The following GRM7 variants were observed in gnomAD, a reference collection of about 807,000 sequenced individuals.
GRM7 encodes the protein metabotropic glutamate receptor 7.
GRM7 carries 35 observed loss-of-function variants against 84.5 expected under a neutral mutation model. The observed-to-expected ratio is 0.41, with a 90% confidence interval of 0.32 to 0.55. The LOEUF is 0.55. Among genes scored for constraint, GRM7 ranks in the 20% least tolerant of loss-of-function variants. The pLI is 0.19. For synonymous variants in GRM7, 487 were observed against 455.1 expected, an observed-to-expected ratio of 1.07 and a Z score of -0.89; for missense variants, 1,003 against 1,194.6, an observed-to-expected ratio of 0.84 and a Z score of 2.36.
intron 4 of GRM7, among the ~76,000 whole-genome samples, chr3:7,331,774 C>A (rs1275168825): frequency 6.6e-6 from 1 of 152,104 alleles, no homozygotes; most frequent in African/African-American, 2.4e-5. Context: ...CCTCAATTTC[C>A]CCCTAGGTAA....
intron 7 of GRM7, chr3:7,560,182 C>T (rs1449936523): frequency 6.6e-6 from 1 of 151,916 alleles, no homozygotes; most frequent in Non-Finnish European, 1.5e-5. Flanking sequence ...CCATATGACA[C>T]CTAGGTCTTT....
chr3:7,247,194 T>A (rs1435887993), intron 2 of GRM7, among the ~76,000 whole-genome samples: 1 of 152,078 alleles, frequency 6.6e-6, no homozygotes, highest in Non-Finnish European at 1.5e-5. Context: ...CCTATGAAGT[T>A]TTAGGAAAAA....
At chr3:7,578,166 G>T (rs1040540498) in intron 7 of GRM7, among the ~76,000 whole-genome samples, 1 of 152,086 alleles carries the variant, frequency 6.6e-6, no homozygotes, top group Non-Finnish European at 1.5e-5. Flanking sequence ...GTCAGGAATG[G>T]GAAGAGGGAA....
At chr3:7,467,176 C>G (rs1369642478) in intron 7 of GRM7, among the ~76,000 whole-genome samples, 1 of 152,152 alleles carries the variant, frequency 6.6e-6, no homozygotes. Flanking sequence ...CAACCTCCGC[C>G]TCCCAGGTTC....
chr3:7,737,909 G>A (rs1022249288), intron 9 of GRM7, among the ~76,000 whole-genome samples: 4 of 148,312 alleles, frequency 2.7e-5, no homozygotes, highest in Non-Finnish European at 3.0e-5. Flanking sequence ...GCGCAATGGT[G>A]CAATCTCAGC....
At chr3:6,998,683 A>G (rs1014568267) in intron 1 of GRM7, among the ~76,000 whole-genome samples, 3 of 152,206 alleles carry the variant, frequency 2.0e-5, no homozygotes, top group Non-Finnish European at 4.4e-5. Context: ...CCAAACCTCA[A>G]TTGTTGACTT....
At chr3:7,013,135 A>C (rs1695439401) in intron 1 of GRM7, among the ~76,000 whole-genome samples, 1 of 62,394 alleles carries the variant, frequency 1.6e-5, no homozygotes, top group South Asian at 4.3e-4. Context: ...CCCTACCATA[A>C]AAAAAAAAAA....
intron 1 of GRM7, among the ~76,000 whole-genome samples, chr3:7,036,983 C>T (rs577139237): frequency 1.1e-4 from 16 of 152,268 alleles, no homozygotes; most frequent in Admixed American, 3.9e-4. Flanking sequence ...AATGGATCAG[C>T]GGTCTGCCTT....
chr3:7,424,227 T>C (rs1257170540), intron 5 of GRM7, among the ~76,000 whole-genome samples: 1 of 151,940 alleles, frequency 6.6e-6, no homozygotes, highest in Non-Finnish European at 1.5e-5. Context: ...TCAACCGGTT[T>C]AGGTGCCATT....
intron 1 of GRM7, among the ~76,000 whole-genome samples, chr3:6,981,808 G>A (rs984142988): frequency 6.6e-6 from 1 of 152,072 alleles, no homozygotes; most frequent in African/African-American, 2.4e-5. Context: ...AGATGCTGTC[G>A]AGGCTGTAGG....
chr3:6,968,809 A>T (rs1229673330), intron 1 of GRM7, among the ~76,000 whole-genome samples: 1 of 152,182 alleles, frequency 6.6e-6, no homozygotes, highest in Non-Finnish European at 1.5e-5. Flanking sequence ...GTCTGAAAGC[A>T]AGGCACTTAA....
chr3:7,052,720 GTTTTTTT>G (rs372132445), intron 1 of GRM7, among the ~76,000 whole-genome samples: 1 of 101,564 alleles, frequency 9.8e-6, no homozygotes, highest in African/African-American at 4.5e-5. Context: ...AGTATCGGTA[GTTTTTTT>G]TTTTTTTTTT....
chr3:7,711,157 T>C (rs1168509498), intron 9 of GRM7, among the ~76,000 whole-genome samples: 1 of 152,130 alleles, frequency 6.6e-6, no homozygotes, highest in African/African-American at 2.4e-5. Flanking sequence ...AAAAGAAAGA[T>C]AAAGAATATG....
At chr3:7,147,579 C>G (rs1694151811) in intron 2 of GRM7, among the ~76,000 whole-genome samples, 2 of 152,122 alleles carry the variant, frequency 1.3e-5, no homozygotes, top group African/African-American at 4.8e-5. Context: ...GGAAAGATGT[C>G]ATAAATTGTG....
chr3:6,861,600 A>G lies in GRM7; in HGVS notation c.212A>G (p.Lys71Arg). 1 of 1,611,336 alleles carries G rather than the reference A, an allele frequency of 6.2e-7. No homozygotes were observed. ...AGCGGAGTGCCCTGCGGCGACATCA[A>G]GAGGGAAAACGGGATCCACAGGCTG... Reference protein sequence around the residue: ...GPSGVPCGDIKRENGIHRLEA... With the variant: ...GPSGVPCGDIRRENGIHRLEA... Residue 71 changes from lysine (K) to arginine (R), a missense_variant, in exon 1 of 10, where the codon AAG becomes AGG. Around this residue, in one of 2 missense-constraint regions of GRM7, gnomAD observed 910 missense variants for 1,126.0 expected, o/e 0.81. Transcript: ENST00000357716. This position sits in a 1 kb window ranked among gnomAD's most constrained non-coding sequence, Gnocchi z 6.4.
chr3:7,586,095 A>G (rs1441399495), intron 8 of GRM7, among the ~76,000 whole-genome samples: 2 of 152,154 alleles, frequency 1.3e-5, no homozygotes, highest in East Asian at 3.9e-4. Flanking sequence ...CATCTTCACC[A>G]TGGGTCTAAT....
chr3:7,456,214 T>C (rs1030663915), intron 6 of GRM7, among the ~76,000 whole-genome samples: 1 of 152,118 alleles, frequency 6.6e-6, no homozygotes, highest in African/African-American at 2.4e-5. Flanking sequence ...GCGACAAAAA[T>C]AAAATTTGTT....
At chr3:7,553,409 T>C (rs1490132721) in intron 7 of GRM7, among the ~76,000 whole-genome samples, 1 of 152,204 alleles carries the variant, frequency 6.6e-6, no homozygotes, top group Non-Finnish European at 1.5e-5. Flanking sequence ...AGTTCCAAAG[T>C]TGCTTCCACA....
chr3:7,398,151 T>C (rs978402691), intron 4 of GRM7, among the ~76,000 whole-genome samples: 12 of 152,188 alleles, frequency 7.9e-5, no homozygotes, highest in Non-Finnish European at 1.8e-4. Context: ...TGAGGGACTA[T>C]AAGTAAATTT....
Sources: allele counts gnomAD v4.1 joint callset (sites outside exome capture counted in the v4.1 genomes callset), GRCh38; gene constraint gnomAD v4.1.1; regional missense constraint gnomAD v4.1.1; non-coding constraint Gnocchi (gnomAD v3.1); transcripts MANE v1.5; gene names NCBI Gene and HGNC (gene_info 2026-07-23, HGNC 2026-07-21).